The following ZNF397 variants were observed in gnomAD, a reference collection of about 807,000 sequenced individuals.
ZNF397 encodes the protein zinc finger protein 397.
ZNF397 carries 38 observed loss-of-function variants against 50.6 expected under a neutral mutation model. The ratio of observed to expected loss-of-function variants is 0.75; its 90% confidence interval spans 0.58 to 0.98. ZNF397 has a LOEUF of 0.98. Ranked by LOEUF, ZNF397 falls within the 50% of genes least tolerant of loss-of-function variation. The pLI is 0.00. For synonymous variants in ZNF397, 228 were observed against 215.2 expected (o/e 1.06, Z -0.52); for missense variants, 624 against 624.1 (o/e 1.00, Z 0.00).
Position 35,242,727 on chromosome 18 carries a change from A to G in ZNF397, c.257A>G (p.Lys86Arg). The G allele has an allele frequency of 6.2e-7, 1 of 1,614,220 alleles. No individual in the cohort carries two copies. Among genetic ancestry groups the G allele is most frequent in the South Asian group, 1.1e-5 (1 of 91,090 alleles). The part of the protein sequence containing the change: ...YQWLMPELHT[K>R]EQILELLVLE... The stretch of plus-strand genomic sequence containing the variant: ...TGGCTAATGCCAGAGTTGCACACAA[A>G]GGAGCAGATCTTAGAACTGCTGGTA... The change falls in exon 2 of 4, where the codon AAG becomes AGG. Residue 86 changes from lysine to arginine, a missense_variant. Physicochemically the swap from Lys to Arg is conservative, Grantham distance 26. Coordinates refer to ENST00000330501, the MANE Select transcript of ZNF397 (RefSeq NM_001135178.3).
intron 2 of ZNF397, 72 bp downstream of exon 2, chr18:35,242,956 G>A: frequency 3.9e-6 from 6 of 1,526,812 alleles, no homozygotes; most frequent in East Asian, 2.3e-5. Flanking sequence ...CATAACAGTA[G>A]GATAAAAATT....
At chr18:35,257,964 G>A in exon 6 of ZNF397, 1 of 780,970 alleles carries the variant, frequency 1.3e-6, no homozygotes, top group Non-Finnish European at 2.4e-6. Context: ...TAAATCACCT[G>A]CACCCAAATC....
At chr18:35,251,541 A>C (rs1598593380), downstream of ZNF397, 2 of 151,930 alleles carry the variant, frequency 1.3e-5, no homozygotes, top group Non-Finnish European at 2.9e-5. Flanking sequence ...TCCCCACCCA[A>C]ATCTCCAATA....
At position 35,242,617 on chromosome 18, in the gene ZNF397, T is replaced by C. The variant is rs141163603; in HGVS notation, c.147T>C (p.Phe49=). 5.6e-4 allele frequency: 912 copies of C among 1,614,238 alleles called. 4 individuals are homozygous for C. The highest frequency in any genetic ancestry group is 3.3e-3 in the Middle Eastern group (20 of 6,062). Residue 49 remains phenylalanine (F), a synonymous_variant, in exon 2 of 4, where the codon TTT becomes TTC. Coordinates refer to ENST00000330501, the MANE Select transcript of ZNF397 (RefSeq NM_001135178.3). ...GTACTCAATCCTGCCAAGAATTGTT[T>C]CGTCAGCAATTCAGAAAATTTTGCT... is the stretch of plus-strand genomic sequence containing the variant. ...NGSTQSCQEL[F]RQQFRKFCYQ...
rs143182188 is a variant in ZNF397 at position 35,255,482 on chromosome 18, G to T, written c.817+1080G>T. On this transcript the variant is annotated intron_variant, in intron 5 of 5. Coordinates refer to the ZNF397 transcript ENST00000261333. ...TAGAAGTAATAATTGCTAAGAGTTA[G>T]GATTCAAATAAACATTCTTAACATC... Among the ~76,000 whole-genome samples the T allele has an allele frequency of 1.2e-4, 19 of 152,108 alleles. 1 individual carries two copies. In the South Asian group the frequency reaches 3.7e-3, roughly 30 times the overall value.
chr18:35,243,520 T>TTTA, intron 3 of ZNF397: 1 of 657,884 alleles, frequency 1.5e-6, no homozygotes, highest in South Asian at 1.9e-5. Flanking sequence ...ATGTTGTAAC[T>TTTA]TTATAAAGCG....
Position 35,249,264 on chromosome 18 carries a change from G to A in ZNF397, c.*2954G>A, listed in dbSNP as rs973068167. 1.3e-5 allele frequency: 2 copies of A among 152,140 alleles called. No homozygotes were observed. The highest frequency in any genetic ancestry group is 4.8e-5 in the African/African-American group (2 of 41,424). The allele number at this position is 152,140 out of a possible 1,614,324, so 9.4% of individuals were successfully genotyped here. ...CCATCTCTGGCAATCAATACCAGAA[G>A]CTTTAAGCATTGCCTTTTGACTTTG... On this transcript the variant is annotated 3_prime_UTR_variant, in exon 4 of 4. Transcript: ENST00000330501.
downstream of ZNF397, chr18:35,253,405 G>C (rs749966773): frequency 1.3e-6 from 2 of 1,495,750 alleles, no homozygotes; most frequent in African/African-American, 1.4e-5. Flanking sequence ...CACCCCTACA[G>C]TGAACTCCTT....
In ZNF397 at chr18:35,245,909, T is replaced by C. The variant is rs2043471185; in HGVS notation, c.1204T>C (p.Cys402Arg). ...TGAGAAACCTTATGAGTGTAATGAA[T>C]GTGGGAAAACCTTTAGCCAGAGCTC... Reference protein sequence around the residue: ...TGEKPYECNECGKTFSQSSKL... With the variant: ...TGEKPYECNERGKTFSQSSKL... The change falls in exon 4 of 4, where the codon TGT (cysteine) becomes CGT (arginine). Residue 402 changes from cysteine to arginine, a missense_variant. Physicochemically the swap from Cys to Arg is radical, Grantham distance 180 (BLOSUM62 -3). Coordinates refer to ENST00000330501, the MANE Select transcript of ZNF397 (RefSeq NM_001135178.3). 5 of 1,568,452 alleles carry C rather than the reference T, an allele frequency of 3.2e-6. No homozygotes were observed. Among genetic ancestry groups the C allele is most frequent in the Admixed American group, 1.9e-5 (1 of 52,864 alleles).
chr18:35,253,760 T>C (rs763832186), downstream of ZNF397: 1 of 1,614,180 alleles, frequency 6.2e-7, no homozygotes, highest in Non-Finnish European at 8.5e-7. Context: ...GCTGAAGGCC[T>C]TCCCACATTC....
chr18:35,245,799 G>T lies in ZNF397; in HGVS notation c.1094G>T (p.Gly365Val). The change falls in exon 4 of 4, where the codon GGT becomes GTT. Residue 365 changes from glycine to valine, a missense_variant. Coordinates refer to ENST00000330501, the MANE Select transcript of ZNF397 (RefSeq NM_001135178.3). ...ALIRHRKIHT[G>V]EKACKCNECG... Reference sequence around the variant, plus strand: ...ATTAGACATCGGAAAATCCATACTGGTGAGAAAGCTTGTAAATGTAATGAG... The same window carrying T: ...ATTAGACATCGGAAAATCCATACTGTTGAGAAAGCTTGTAAATGTAATGAG... 2.6e-6 allele frequency: 4 copies of T among 1,552,160 alleles called. No homozygotes were observed. Among genetic ancestry groups the T allele is most frequent in the Middle Eastern group, 1.7e-4 (1 of 5,996 alleles).
In ZNF397 at chr18:35,242,456, C is replaced by G. The variant is rs1184651271; in HGVS notation, c.-15C>G. On this transcript the variant is annotated 5_prime_UTR_variant, in exon 2 of 4. Coordinates refer to ENST00000330501, the MANE Select transcript of ZNF397 (RefSeq NM_001135178.3). Reference sequence around the variant, plus strand: ...CAGTTGTACTGAGCTTTTTGCTAAGCTGTTTCAGCCAAGAATGGCTGTGGA... The same window carrying G: ...CAGTTGTACTGAGCTTTTTGCTAAGGTGTTTCAGCCAAGAATGGCTGTGGA... 17 of 1,602,116 alleles carry G rather than the reference C, an allele frequency of 1.1e-5. No homozygotes were observed. The highest frequency in any genetic ancestry group is 1.7e-4 in the Middle Eastern group (1 of 5,990).
At position 35,248,760 on chromosome 18, in the gene ZNF397, T is replaced by G. The variant is rs1401589873; in HGVS notation, c.*2450T>G. On this transcript the variant is annotated 3_prime_UTR_variant, in exon 4 of 4. Coordinates refer to ENST00000330501, the MANE Select transcript of ZNF397 (RefSeq NM_001135178.3). ...GGGAGGCTGAGGTGAGAGGTTCGCT[T>G]GAGCCCTGGAAGTCGAGGCTTCAGT... is the stretch of plus-strand genomic sequence containing the variant. 6.6e-6 allele frequency: 1 copy of G among 152,098 alleles called. No homozygotes were observed. The highest frequency in any genetic ancestry group is 2.4e-5 in the African/African-American group (1 of 41,382). The allele number at this position is 152,098 out of a possible 1,614,324, so 9.4% of individuals were successfully genotyped here.
chr18:35,256,395 A>G (rs940506948), intron 5 of ZNF397: 1 of 152,084 alleles, frequency 6.6e-6, no homozygotes, highest in Non-Finnish European at 1.5e-5. Context: ...CCCCATCTCT[A>G]CTAAAAGTAT....
downstream of ZNF397, among the ~76,000 whole-genome samples, chr18:35,250,592 A>G (rs1399421758): frequency 2.6e-5 from 4 of 152,194 alleles, no homozygotes; most frequent in Non-Finnish European, 4.4e-5. Flanking sequence ...TAATACATCC[A>G]GCTGAAAGGA....
At chr18:35,256,054 A>C (rs1454953389) in intron 5 of ZNF397, among the ~76,000 whole-genome samples, 2 of 152,162 alleles carry the variant, frequency 1.3e-5, no homozygotes, top group Non-Finnish European at 2.9e-5. Context: ...GAAAATTAGA[A>C]AAGCAATGTA....
rs769707528 is a variant in ZNF397, at chr18:35,242,848, G to A, written c.378G>A (p.Glu126=). The change falls in exon 2 of 4, where the codon GAG becomes GAA. Residue 126 remains glutamate, a synonymous_variant. Coordinates refer to ENST00000330501, the MANE Select transcript of ZNF397 (RefSeq NM_001135178.3). ...ESGEEAVTLL[E]DLEREFDDPG... is the part of the protein sequence containing the mutation. ...GCGAGGAAGCTGTGACCCTGTTGGA[G>A]GATTTAGAGAGGGAGTTTGATGACC... The A allele has an allele frequency of 1.9e-6, 3 of 1,612,958 alleles. No homozygotes were observed. The highest frequency in any genetic ancestry group is 1.1e-5 in the South Asian group (1 of 91,012).
In ZNF397 at chr18:35,242,790, A is replaced by G. The variant is rs763680749; in HGVS notation, c.320A>G (p.Gln107Arg). The G allele has an allele frequency of 7.4e-6, 12 of 1,614,070 alleles. No homozygotes were observed. The highest frequency in any genetic ancestry group is 1.0e-5 in the Non-Finnish European group (12 of 1,180,038). ...CTGAGCATTCTGCCTGAGGAGCTGC[A>G]GATCTGGGTTCAGCAACATAATCCA... Reference protein sequence around the residue: ...QFLSILPEELQIWVQQHNPES... With the variant: ...QFLSILPEELRIWVQQHNPES... The change falls in exon 2 of 4, where the codon CAG (glutamine) becomes CGG (arginine). Residue 107 changes from glutamine (Q) to arginine (R), a missense_variant. Physicochemically the swap from Gln to Arg is conservative, Grantham distance 43. Coordinates refer to ENST00000330501, the MANE Select transcript of ZNF397 (RefSeq NM_001135178.3).
rs763770748 is a variant in ZNF397 at position 35,242,885 on chromosome 18, G to A, written c.414+1G>A. On this transcript the variant is annotated splice_donor_variant, in intron 2 of 3. Transcript: ENST00000330501. LOFTEE classifies it high-confidence loss of function. Reference sequence around the variant, plus strand: ...GGAGTTTGATGACCCAGGGCAGCAGGTGGGAACGGAGAAAAGTGATGTGGG... The same window carrying A: ...GGAGTTTGATGACCCAGGGCAGCAGATGGGAACGGAGAAAAGTGATGTGGG... 2 of 1,598,598 alleles carry A rather than the reference G, an allele frequency of 1.3e-6. No homozygotes were observed. The highest frequency in any genetic ancestry group is 1.1e-5 in the South Asian group (1 of 89,720).
Sources: gnomAD v4.1 joint callset for allele counts (sites outside exome capture counted in the v4.1 genomes callset) on GRCh38, gnomAD v4.1.1 for gene constraint, MANE v1.5 for transcripts, NCBI Gene and HGNC (gene_info 2026-07-23, HGNC 2026-07-21) for gene names.